The following PDLIM5 variants were observed in gnomAD, a reference collection of about 807,000 sequenced individuals.
PDLIM5 encodes the protein PDZ and LIM domain 5.
In PDLIM5, 34 loss-of-function variants were observed where a neutral mutation model predicts 64.2. That is an observed-to-expected ratio of 0.53 (90% CI 0.40 to 0.71). The LOEUF (loss-of-function observed/expected upper bound fraction) is 0.71. Ranked by LOEUF, PDLIM5 falls within the 30% of genes least tolerant of loss-of-function variation. The pLI, the probability that PDLIM5 is intolerant of heterozygous loss-of-function variation, is 0.00. For synonymous variants in PDLIM5, 253 were observed against 269.1 expected (o/e 0.94, Z 0.59); for missense variants, 683 against 733.6 (o/e 0.93, Z 0.80).
chr4:94,651,780 T>C (rs1302908272), intron 9 of PDLIM5, among the ~76,000 whole-genome samples: 1 of 152,174 alleles, frequency 6.6e-6, no homozygotes, highest in Non-Finnish European at 1.5e-5. Context: ...AATGAGACCA[T>C]GTGAAAGTGA....
rs565015714 is a variant in PDLIM5 at position 94,640,047 on chromosome 4, A to G, written c.1109-229A>G. On this transcript the variant is annotated intron_variant, in intron 8 of 12. Transcript: ENST00000317968. The stretch of plus-strand genomic sequence containing the variant: ...TGTCTTAAAAAAAAAAAAAAATTCT[A>G]TGCATACGTCTGTCATAATTCTTTT... Among the ~76,000 whole-genome samples, 107 of 152,044 alleles carry G rather than the reference A, an allele frequency of 7.0e-4. 1 individual carries two copies. The highest frequency in any genetic ancestry group is 2.4e-3 in the African/African-American group (101 of 41,464).
At chr4:94,494,738 CCA>C (rs2126124954) in intron 2 of PDLIM5, among the ~76,000 whole-genome samples, 1 of 151,572 alleles carries the variant, frequency 6.6e-6, no homozygotes, top group South Asian at 2.1e-4. Flanking sequence ...CCGTGCCTGA[CCA>C]CAGTTTTTTT....
At chr4:94,489,184 G>C (rs1726625307) in intron 2 of PDLIM5, 1 of 152,118 alleles carries the variant, frequency 6.6e-6, no homozygotes, top group Non-Finnish European at 1.5e-5. Flanking sequence ...TTTAATCATG[G>C]AGGAATAGAA....
chr4:94,577,634 G>T (rs556537404), intron 5 of PDLIM5, among the ~76,000 whole-genome samples: 2 of 135,880 alleles, frequency 1.5e-5, no homozygotes, highest in Non-Finnish European at 1.5e-5. Flanking sequence ...ATAGATTTTC[G>T]AGTAATCAGA....
At chr4:94,540,008 A>G (rs536593316) in intron 3 of PDLIM5, among the ~76,000 whole-genome samples, 5 of 152,208 alleles carry the variant, frequency 3.3e-5, no homozygotes, top group African/African-American at 9.6e-5. Context: ...AAAATATATA[A>G]TAATACTACT....
At chr4:94,603,470 G>C (rs1300699920) in intron 7 of PDLIM5, among the ~76,000 whole-genome samples, 2 of 152,118 alleles carry the variant, frequency 1.3e-5, no homozygotes, top group East Asian at 3.9e-4. Context: ...ACTTGGGACT[G>C]TAATGCCCCC....
chr4:94,522,992 G>A (rs1729963292), intron 2 of PDLIM5, among the ~76,000 whole-genome samples: 2 of 152,050 alleles, frequency 1.3e-5, no homozygotes, highest in African/African-American at 4.8e-5. Context: ...TTCTTTTGGG[G>A]CAATGAAATA....
chr4:94,569,741 CATAGAA>C (rs543182510), intron 3 of PDLIM5, among the ~76,000 whole-genome samples: 126 of 152,242 alleles, frequency 8.3e-4, no homozygotes, highest in African/African-American at 2.9e-3. Context: ...GTGCCTGGCA[CATAGAA>C]TAAATTTAAG....
chr4:94,538,651 G>A (rs570798643), intron 3 of PDLIM5, among the ~76,000 whole-genome samples: 2 of 152,162 alleles, frequency 1.3e-5, no homozygotes, highest in African/African-American at 4.8e-5. Context: ...TGGATTTAGT[G>A]GTAAATTGGT....
intron 3 of PDLIM5, among the ~76,000 whole-genome samples, chr4:94,533,255 T>C (rs1357799816): frequency 6.6e-6 from 1 of 152,236 alleles, no homozygotes. Flanking sequence ...GGATGTATTT[T>C]GTATTGTGAA....
chr4:94,484,203 A>G (rs960414237), intron 2 of PDLIM5, among the ~76,000 whole-genome samples: 13 of 152,202 alleles, frequency 8.5e-5, no homozygotes, highest in Admixed American at 7.2e-4. Context: ...GGGAACAAAT[A>G]AAAACAGGAC....
intron 3 of PDLIM5, among the ~76,000 whole-genome samples, chr4:94,564,656 C>CTTTTTTTTTT (rs768721210): frequency 0.021 from 2,181 of 104,294 alleles, 169 homozygotes; most frequent in African/African-American, 0.039. Flanking sequence ...AATTTTGTCT[C>CTTTTTTTTTT]TTTTTTTTTT....
At chr4:94,512,356 G>A (rs144308752) in intron 2 of PDLIM5, among the ~76,000 whole-genome samples, 21 of 152,210 alleles carry the variant, frequency 1.4e-4, no homozygotes, top group Admixed American at 5.2e-4. Context: ...CCTTCAAACT[G>A]TTCTCCATAG....
rs935845343 is a variant in PDLIM5, at chr4:94,517,143, C to A, written c.97-6581C>A. 3.3e-5 allele frequency among the ~76,000 whole-genome samples: 5 copies of A among 152,090 alleles called. No homozygotes were observed. In the East Asian group the frequency reaches 9.6e-4, roughly 29 times the overall value. ...CCCTCAGTTGCTCGTAAAAACTTCA[C>A]CGGGATTTTATTTATTTGTGTTGTT... On this transcript the variant is annotated intron_variant, in intron 2 of 12. Transcript: ENST00000317968.
Position 94,665,704 on chromosome 4 carries a change from G to T in PDLIM5, c.*1637G>T, listed in dbSNP as rs115970344. On this transcript the variant is annotated 3_prime_UTR_variant, in exon 13 of 13. Transcript: ENST00000317968. ...TTTGTTTCGTTTTGTTTCTTCTTCT[G>T]CATTTAAAAATTAAAAGATTGGTTT... is the stretch of plus-strand genomic sequence containing the variant. The T allele has an allele frequency of 1.7e-3, 1,879 of 1,128,210 alleles. 28 individuals are homozygous for T. In the African/African-American group the frequency reaches 0.028, roughly 17 times the overall value. 69.9% of individuals were successfully genotyped at this position (1,128,210 alleles called of 1,614,324 possible). A position where few individuals can be genotyped will look rare whatever the true frequency, so the allele number is the denominator to read the frequency against.
intron 5 of PDLIM5, chr4:94,584,662 C>A: frequency 3.5e-6 from 1 of 282,428 alleles, no homozygotes; most frequent in Non-Finnish European, 6.6e-6. Context: ...AGTTCGGACC[C>A]TTTTCAAAAT....
At chr4:94,602,270 A>C (rs1464484241) in intron 7 of PDLIM5, among the ~76,000 whole-genome samples, 3 of 152,204 alleles carry the variant, frequency 2.0e-5, no homozygotes, top group Admixed American at 2.0e-4. Flanking sequence ...TTAAAATTTT[A>C]ATTGAAGATG....
chr4:94,586,085 A>C (rs1736171350), intron 6 of PDLIM5, among the ~76,000 whole-genome samples: 1 of 152,212 alleles, frequency 6.6e-6, no homozygotes, highest in Admixed American at 6.5e-5. Flanking sequence ...CAGGAGAATC[A>C]TTTGAACCGG....
At position 94,568,370 on chromosome 4, in the gene PDLIM5, A is replaced by C. The variant is rs186442661; in HGVS notation, c.249-4981A>C. The stretch of plus-strand genomic sequence containing the variant: ...TGTATAATAAAATTTGCCATTTCTT[A>C]ACAGTGGGACATATAGAATAGATTG... On this transcript the variant is annotated intron_variant, in intron 3 of 12. Coordinates refer to ENST00000317968, the MANE Select transcript of PDLIM5 (RefSeq NM_006457.5). 9.9e-5 allele frequency among the ~76,000 whole-genome samples: 15 copies of C among 152,208 alleles called. No homozygotes were observed. In the East Asian group the frequency reaches 2.7e-3, roughly 27 times the overall value.
Sources: allele counts gnomAD v4.1 joint callset (sites outside exome capture counted in the v4.1 genomes callset), GRCh38; gene constraint gnomAD v4.1.1; transcripts MANE v1.5; gene names NCBI Gene and HGNC (gene_info 2026-07-23, HGNC 2026-07-21).